The following FRMPD4 variants were observed in gnomAD, a reference collection of about 807,000 sequenced individuals.
The protein encoded by FRMPD4 is FERM and PDZ domain containing 4.
Under a neutral mutation model 94.1 loss-of-function variants are expected in FRMPD4, and 22 were observed. The observed-to-expected ratio is 0.23, with a 90% confidence interval of 0.17 to 0.33. The LOEUF (loss-of-function observed/expected upper bound fraction) is 0.33, where lower values mean the gene tolerates loss of function less well. Among genes scored for constraint, FRMPD4 ranks in the 10% least tolerant of loss-of-function variants. FRMPD4 has a pLI of 1.00. For missense variants in FRMPD4, 1,111 were observed against 1,339.9 expected, an observed-to-expected ratio of 0.83 and a Z score of 2.67; for synonymous variants, 631 against 548.6, an observed-to-expected ratio of 1.15 and a Z score of -2.10.
intron 1 of FRMPD4, among the ~76,000 whole-genome samples, chrX:12,208,773 C>T (rs183846293): frequency 3.0e-4 from 33 of 111,639 alleles, no homozygotes; most frequent in African/African-American, 1.1e-3. Context: ...TTCAGTTAAG[C>T]TATTCTGCCC....
intron 7 of FRMPD4, among the ~76,000 whole-genome samples, chrX:12,689,445 C>G (rs73432855): frequency 0.019 from 2,078 of 112,173 alleles, 37 homozygotes; most frequent in African/African-American, 0.057. Context: ...CTGAGATAAG[C>G]ATTATTATTA....
At position 12,331,684 on chromosome X, in the gene FRMPD4, T is replaced by C. The variant is rs766690955; in HGVS notation, c.42-166996T>C. On this transcript the variant is annotated intron_variant, in intron 1 of 16. Coordinates refer to ENST00000675598, the MANE Select transcript of FRMPD4 (RefSeq NM_001368397.1). ...AATATATAAATATATAAATTATATATTTATATAATATATAAATATATAATA... is the reference window on the plus strand; with the variant it reads ...AATATATAAATATATAAATTATATACTTATATAATATATAAATATATAATA... Among the ~76,000 whole-genome samples the C allele has an allele frequency of 8.5e-4, 60 of 70,506 alleles. 1 individual carries two copies. The South Asian group carries it at 0.032, about 38-fold the overall frequency. 61.2% of individuals were successfully genotyped at this position (70,506 alleles called of 115,157 possible). A position where few individuals can be genotyped will look rare whatever the true frequency, so the allele number is the denominator to read the frequency against.
intron 1 of FRMPD4, among the ~76,000 whole-genome samples, chrX:12,222,377 C>T (rs1228180826): frequency 2.7e-5 from 3 of 111,744 alleles, no homozygotes; most frequent in Non-Finnish European, 5.6e-5. Context: ...GACAGTAAAA[C>T]AAATATAATT....
chrX:12,201,281 A>G (rs1009650523), intron 1 of FRMPD4, among the ~76,000 whole-genome samples: 1 of 112,516 alleles, frequency 8.9e-6, no homozygotes, highest in Non-Finnish European at 1.9e-5. Context: ...AATTTTTTAT[A>G]ATCAGGAGGA....
intron 1 of FRMPD4, among the ~76,000 whole-genome samples, chrX:12,320,618 AG>A (rs2055194750): frequency 8.9e-6 from 1 of 112,091 alleles, no homozygotes; most frequent in African/African-American, 3.2e-5. Context: ...CTGGGACTCC[AG>A]GTAGGTAGCA....
At chrX:12,357,832 G>A (rs1257126101) in intron 1 of FRMPD4, among the ~76,000 whole-genome samples, 3 of 111,565 alleles carry the variant, frequency 2.7e-5, no homozygotes, top group Non-Finnish European at 5.7e-5. Flanking sequence ...TAAATTTACC[G>A]AGTTGTGCAA....
At chrX:12,026,790 A>G (rs957111564) in intron 3 of FRMPD4, among the ~76,000 whole-genome samples, 4 of 111,018 alleles carry the variant, frequency 3.6e-5, no homozygotes, top group South Asian at 3.8e-4. Context: ...CTAAGGAGGG[A>G]AAAAAAAACA....
chrX:12,406,824 A>G (rs1482896999), intron 1 of FRMPD4, among the ~76,000 whole-genome samples: 1 of 112,086 alleles, frequency 8.9e-6, no homozygotes, highest in Non-Finnish European at 1.9e-5. Flanking sequence ...TGGCTGCTGT[A>G]ACAAATTACC....
chrX:11,966,929 C>T (rs959569601), intron 3 of FRMPD4, among the ~76,000 whole-genome samples: 1 of 111,825 alleles, frequency 8.9e-6, no homozygotes, highest in Non-Finnish European at 1.9e-5. Context: ...TTGGATTACA[C>T]TGGAGGATTC....
intron 2 of FRMPD4, among the ~76,000 whole-genome samples, chrX:12,607,488 T>C (rs746039477): frequency 1.8e-5 from 2 of 111,691 alleles, no homozygotes; most frequent in African/African-American, 6.5e-5. Context: ...TGTCTTGAAA[T>C]TAGTCATGTT....
intron 1 of FRMPD4, among the ~76,000 whole-genome samples, chrX:12,250,483 A>G (rs1045248284): frequency 8.9e-6 from 1 of 111,764 alleles, no homozygotes; most frequent in South Asian, 3.8e-4. Flanking sequence ...TCTACTATAA[A>G]ACCATAATTT....
intron 1 of FRMPD4, among the ~76,000 whole-genome samples, chrX:12,182,090 A>G (rs1345627370): frequency 9.0e-6 from 1 of 111,603 alleles, no homozygotes; most frequent in East Asian, 2.8e-4. Flanking sequence ...AGTCAGCTCT[A>G]CTGAAACCAT....
chrX:12,372,427 G>A (rs1348116982), intron 1 of FRMPD4, among the ~76,000 whole-genome samples: 1 of 112,921 alleles, frequency 8.9e-6, no homozygotes, highest in Non-Finnish European at 1.9e-5. Flanking sequence ...TGCTTTCCAC[G>A]TTAGTTCCAG....
intron 1 of FRMPD4, among the ~76,000 whole-genome samples, chrX:11,830,479 G>T (rs1054191765): frequency 9.0e-6 from 1 of 111,148 alleles, no homozygotes; most frequent in African/African-American, 3.3e-5. Context: ...TGAAAACATA[G>T]TGCCATATTT....
chrX:12,068,706 T>A (rs1422586592), intron 3 of FRMPD4, among the ~76,000 whole-genome samples: 1 of 112,386 alleles, frequency 8.9e-6, no homozygotes, highest in Admixed American at 9.4e-5. Flanking sequence ...TCCTGACTTT[T>A]ATCAAAATTC....
rs759035582 is a variant in FRMPD4, at chrX:12,613,406, T to C, written c.320-1373T>C. ...TAGTCCGTCCTTCAAGTCAATTCTT[T>C]AACCTGTGTAAGCCTCAATTATCTC... On this transcript the variant is annotated intron_variant, in intron 3 of 16. Coordinates refer to ENST00000675598, the MANE Select transcript of FRMPD4 (RefSeq NM_001368397.1). 6.2e-5 allele frequency among the ~76,000 whole-genome samples: 7 copies of C among 112,451 alleles called. 1 individual carries two copies. The East Asian group carries it at 2.0e-3, about 31-fold the overall frequency.
At chrX:12,427,099 C>T (rs1185973276) in intron 1 of FRMPD4, among the ~76,000 whole-genome samples, 2 of 111,482 alleles carry the variant, frequency 1.8e-5, no homozygotes, top group Non-Finnish European at 3.8e-5. Flanking sequence ...CATTAGTTAT[C>T]GTTATGATGT....
chrX:12,266,132 C>CAA (rs3990340), intron 1 of FRMPD4, among the ~76,000 whole-genome samples: 716 of 25,703 alleles, frequency 0.028, 103 homozygotes, highest in African/African-American at 0.065. Flanking sequence ...GACTCCGTCT[C>CAA]AAAAAAAAAA....
At chrX:12,325,803 A>G (rs988914004) in intron 1 of FRMPD4, among the ~76,000 whole-genome samples, 2 of 112,290 alleles carry the variant, frequency 1.8e-5, no homozygotes, top group Admixed American at 9.4e-5. Flanking sequence ...GGAGATTCAT[A>G]TGAGCCTTAA....
Sources: gnomAD v4.1 joint callset for allele counts (sites outside exome capture counted in the v4.1 genomes callset) on GRCh38, gnomAD v4.1.1 for gene constraint, MANE v1.5 for transcripts, NCBI Gene and HGNC (gene_info 2026-07-23, HGNC 2026-07-21) for gene names.